Variants in DTNA observed in about 807,000 individuals in gnomAD.
DTNA encodes the protein dystrobrevin alpha, also known as dystrophin-related protein 3.
DTNA carries 43 observed loss-of-function variants against 100.7 expected under a neutral mutation model. The observed-to-expected ratio is 0.43, with a 90% confidence interval of 0.33 to 0.55. DTNA has a LOEUF of 0.55. Ranked by LOEUF, DTNA falls within the 20% of genes least tolerant of loss-of-function variation. The pLI, the probability that DTNA is intolerant of heterozygous loss-of-function variation, is 0.04. For synonymous variants in DTNA, 349 were observed against 347.9 expected (o/e 1.00, Z -0.04); for missense variants, 798 against 953.9 (o/e 0.84, Z 2.15).
At chr18:34,789,884 T>C (rs570689855) in intron 3 of DTNA, among the ~76,000 whole-genome samples, 43 of 152,300 alleles carry the variant, frequency 2.8e-4, no homozygotes, top group African/African-American at 1.0e-3. Context: ...CATGCCCTAT[T>C]CCAAGTGTTT....
intron 1 of DTNA, among the ~76,000 whole-genome samples, chr18:34,497,842 T>C (rs1376077937): frequency 6.6e-6 from 1 of 152,216 alleles, no homozygotes; most frequent in African/African-American, 2.4e-5. Context: ...TATTATGTAT[T>C]TTTTAATTCA....
At chr18:34,852,305 G>T (rs1420969495) in intron 15 of DTNA, among the ~76,000 whole-genome samples, 1 of 152,014 alleles carries the variant, frequency 6.6e-6, no homozygotes, top group Non-Finnish European at 1.5e-5. Context: ...AGGCTCACCA[G>T]AGAGGCCCCC....
intron 1 of DTNA, among the ~76,000 whole-genome samples, chr18:34,576,805 T>C (rs1240645866): frequency 6.6e-6 from 1 of 152,184 alleles, no homozygotes; most frequent in East Asian, 1.9e-4. Flanking sequence ...TGAATGAGGT[T>C]GTTTATGACT....
chr18:34,672,057 T>G (rs1344401783), intron 1 of DTNA, among the ~76,000 whole-genome samples: 1 of 152,168 alleles, frequency 6.6e-6, no homozygotes, highest in Non-Finnish European at 1.5e-5. Flanking sequence ...GCCAATTTGG[T>G]GGGTATAATG....
intron 1 of DTNA, among the ~76,000 whole-genome samples, chr18:34,500,705 C>A (rs1045403343): frequency 6.6e-6 from 1 of 151,892 alleles, no homozygotes; most frequent in South Asian, 2.1e-4. Context: ...CTCAGGTGAT[C>A]CACCTGTATC....
At chr18:34,510,447 G>A (rs1280045823) in intron 1 of DTNA, among the ~76,000 whole-genome samples, 7 of 151,914 alleles carry the variant, frequency 4.6e-5, no homozygotes, top group Admixed American at 1.3e-4. Context: ...CACCAAGGCC[G>A]TGACAAGACT....
At chr18:34,618,796 T>A (rs1442898886) in intron 1 of DTNA, among the ~76,000 whole-genome samples, 1 of 152,202 alleles carries the variant, frequency 6.6e-6, no homozygotes, top group African/African-American at 2.4e-5. Context: ...TTTTAAAATA[T>A]CTTTTCATTC....
intron 1 of DTNA, among the ~76,000 whole-genome samples, chr18:34,547,378 A>G (rs1347844677): frequency 6.6e-6 from 1 of 151,770 alleles, no homozygotes; most frequent in African/African-American, 2.4e-5. Context: ...AAAGAAAGCT[A>G]TAAGTAGCAA....
At chr18:34,792,620 AT>A (rs1232449695) in intron 3 of DTNA, among the ~76,000 whole-genome samples, 1 of 152,238 alleles carries the variant, frequency 6.6e-6, no homozygotes, top group African/African-American at 2.4e-5. Flanking sequence ...TAAACAAAAT[AT>A]TTATTTGCAA....
chr18:34,853,293 A>G (rs1362787184), intron 15 of DTNA, among the ~76,000 whole-genome samples: 1 of 152,190 alleles, frequency 6.6e-6, no homozygotes, highest in Non-Finnish European at 1.5e-5. Context: ...GCTTAACCCC[A>G]TTCTTAAACA....
Position 34,548,395 on chromosome 18 carries a change from TCTCTTTTAGGCTGAATTCTTTTCAA to T in DTNA, c.-2+54882_-2+54906del, listed in dbSNP as rs552642853. ...GAGAGCCTAAAGATTGACAGCTCTATCTCTTTTAGGCTGAATTCTTTTCAATATTTTTCTTTCTCAGTAGAAACAA... is the reference window on the plus strand; with the variant it reads ...GAGAGCCTAAAGATTGACAGCTCTATTATTTTTCTTTCTCAGTAGAAACAA... On this transcript the variant is annotated intron_variant, in intron 1 of 19. Transcript: ENST00000283365. 2.6e-4 allele frequency among the ~76,000 whole-genome samples: 40 copies of T among 152,230 alleles called. 1 individual carries two copies. The East Asian group carries it at 7.7e-3, about 29-fold the overall frequency.
At chr18:34,847,310 T>C (rs1253453186) in intron 13 of DTNA, among the ~76,000 whole-genome samples, 1 of 152,170 alleles carries the variant, frequency 6.6e-6, no homozygotes, top group Non-Finnish European at 1.5e-5. Context: ...ATTAAGGTCA[T>C]TGGGAGTCAC....
At chr18:34,806,405 C>T (rs1051054219) in intron 5 of DTNA, 101 bp downstream of exon 5, 5 of 988,530 alleles carry the variant, frequency 5.1e-6, no homozygotes, top group South Asian at 4.1e-5. Context: ...TGTATCTTTC[C>T]TCATTCTATG....
At chr18:34,866,535 C>T (rs1040753384) in intron 17 of DTNA, 4 of 1,126,600 alleles carry the variant, frequency 3.6e-6, no homozygotes. Context: ...CCACAGCACT[C>T]AGAAGCTAAC....
intron 1 of DTNA, among the ~76,000 whole-genome samples, chr18:34,578,562 G>A (rs555304000): frequency 3.3e-5 from 5 of 152,070 alleles, no homozygotes; most frequent in African/African-American, 1.2e-4. Flanking sequence ...GTCTGGAAGG[G>A]TTTTTTTGAT....
intron 1 of DTNA, among the ~76,000 whole-genome samples, chr18:34,498,442 T>TATGATAATA (rs1555783601): frequency 7.0e-6 from 1 of 141,850 alleles, no homozygotes; most frequent in Non-Finnish European, 1.5e-5. Flanking sequence ...CAGAAAATAA[T>TATGATAATA]ATAATAATAA....
chr18:34,543,935 G>T (rs2044502675), intron 1 of DTNA, among the ~76,000 whole-genome samples: 2 of 152,076 alleles, frequency 1.3e-5, no homozygotes, highest in African/African-American at 4.8e-5. Flanking sequence ...AAGGAAGGGG[G>T]CTGTTTTTGC....
intron 1 of DTNA, among the ~76,000 whole-genome samples, chr18:34,530,678 C>T (rs564796922): frequency 6.6e-6 from 1 of 152,176 alleles, no homozygotes; most frequent in East Asian, 1.9e-4. Context: ...TTTAACCCCT[C>T]CAACAGTGCT....
At chr18:34,769,064 A>G (rs1205560747) in intron 3 of DTNA, among the ~76,000 whole-genome samples, 1 of 152,174 alleles carries the variant, frequency 6.6e-6, no homozygotes, top group Non-Finnish European at 1.5e-5. Context: ...AAGATATTAC[A>G]TTCTACAAAA....
Sources: allele counts gnomAD v4.1 joint callset (sites outside exome capture counted in the v4.1 genomes callset), GRCh38; gene constraint gnomAD v4.1.1; transcripts MANE v1.5; gene names NCBI Gene and HGNC (gene_info 2026-07-23, HGNC 2026-07-21).